Variants in AGBL1 observed in about 807,000 individuals in gnomAD.
The protein encoded by AGBL1 is cytosolic carboxypeptidase 4.
Under a neutral mutation model 118.9 loss-of-function variants are expected in AGBL1, and 130 were observed. The observed-to-expected ratio is 1.09, with a 90% confidence interval of 0.95 to 1.26. The LOEUF (loss-of-function observed/expected upper bound fraction) is 1.26, where lower values mean the gene tolerates loss of function less well. Among genes scored for constraint, AGBL1 ranks in the 50% most tolerant of loss-of-function variants. AGBL1 has a pLI of 0.00. For synonymous variants in AGBL1, 555 were observed against 478.9 expected (o/e 1.16, Z -2.08); for missense variants, 1,584 against 1,298.1 (o/e 1.22, Z -3.38).
intron 22 of AGBL1, among the ~76,000 whole-genome samples, chr15:86,790,170 G>A (rs1444091001): frequency 6.6e-6 from 1 of 152,048 alleles, no homozygotes; most frequent in Non-Finnish European, 1.5e-5. Context: ...AAAGCCCACA[G>A]AAAGAAACTT....
intron 22 of AGBL1, among the ~76,000 whole-genome samples, chr15:86,705,336 T>C (rs2086430833): frequency 6.6e-6 from 1 of 152,104 alleles, no homozygotes; most frequent in African/African-American, 2.4e-5. Flanking sequence ...TTTAAATAAA[T>C]TACCCAGTCT....
chr15:86,495,391 C>CT lies in AGBL1; in HGVS notation c.2556-27411dup, dbSNP rs566971969. Among the ~76,000 whole-genome samples the CT allele has an allele frequency of 6.7e-3, 746 of 111,158 alleles. 3 individuals carry two copies. Among genetic ancestry groups the CT allele is most frequent in the South Asian group, 0.019 (53 of 2,776 alleles). 72.9% of individuals were successfully genotyped at this position (111,158 alleles called of 152,430 possible). On this transcript the variant is annotated intron_variant, in intron 18 of 22. Coordinates refer to ENST00000614907, the MANE Select transcript of AGBL1 (RefSeq NM_001386094.1). ...GGTATTTTTTTTTAAATACCTCTATCTTTTTTTTAAAAAAAAAACCTTATA... is the reference window on the plus strand; with the variant it reads ...GGTATTTTTTTTTAAATACCTCTATCTTTTTTTTTAAAAAAAAAACCTTATA...
intron 17 of AGBL1, among the ~76,000 whole-genome samples, chr15:86,326,609 G>A (rs1450910770): frequency 6.6e-6 from 1 of 152,148 alleles, no homozygotes; most frequent in Non-Finnish European, 1.5e-5. Context: ...ATACTTGATT[G>A]TTAAGGGAAA....
At chr15:86,132,791 A>T (rs1296456336) in intron 1 of AGBL1, among the ~76,000 whole-genome samples, 1 of 152,172 alleles carries the variant, frequency 6.6e-6, no homozygotes, top group African/African-American at 2.4e-5. Context: ...CAGAGCATGC[A>T]ATCTCACCCT....
At chr15:86,888,327 A>T (rs2080001335) in intron 22 of AGBL1, among the ~76,000 whole-genome samples, 1 of 151,866 alleles carries the variant, frequency 6.6e-6, no homozygotes, top group African/African-American at 2.4e-5. Context: ...TCCAGTGGAA[A>T]CTAAATATTC....
chr15:86,260,997 C>T (rs1015959958), intron 9 of AGBL1, among the ~76,000 whole-genome samples: 1 of 152,202 alleles, frequency 6.6e-6, no homozygotes, highest in African/African-American at 2.4e-5. Flanking sequence ...TGGTCTCTGT[C>T]ACAACTATTA....
intron 17 of AGBL1, among the ~76,000 whole-genome samples, chr15:86,372,635 G>T (rs1029315295): frequency 6.6e-6 from 1 of 152,178 alleles, no homozygotes; most frequent in South Asian, 2.1e-4. Context: ...CAGACTTTTG[G>T]TTTTTTTCTC....
intron 1 of AGBL1, among the ~76,000 whole-genome samples, chr15:86,118,053 C>G (rs77525964): frequency 0.02 from 2,993 of 152,290 alleles, 89 homozygotes; most frequent in African/African-American, 0.068. Flanking sequence ...CTCTGAATTT[C>G]TTGTTACACT....
At chr15:86,272,496 A>G (rs986839874) in intron 15 of AGBL1, among the ~76,000 whole-genome samples, 2 of 152,212 alleles carry the variant, frequency 1.3e-5, no homozygotes, top group Admixed American at 6.5e-5. Context: ...AGTAAGTTTC[A>G]TCTCTTTCTG....
At chr15:86,917,011 G>A (rs2080433274), downstream of AGBL1, among the ~76,000 whole-genome samples, 1 of 152,222 alleles carries the variant, frequency 6.6e-6, no homozygotes, top group Non-Finnish European at 1.5e-5. The surrounding 1 kb of genome is among the most constrained non-coding windows in gnomAD (Gnocchi z 4.8). Flanking sequence ...ACCTAAAGGA[G>A]GGGGAATGAA....
chr15:87,002,862 C>T (rs1210339033), intron 24 of AGBL1, among the ~76,000 whole-genome samples: 1 of 152,142 alleles, frequency 6.6e-6, no homozygotes, highest in African/African-American at 2.4e-5. Context: ...TGCTTATCAG[C>T]TTAAGAAGAT....
chr15:86,459,321 C>A (rs1194125364), intron 18 of AGBL1, among the ~76,000 whole-genome samples: 2 of 152,050 alleles, frequency 1.3e-5, no homozygotes, highest in African/African-American at 2.4e-5. Context: ...TTCATGTAGA[C>A]CAGGAGCATG....
intron 5 of AGBL1, among the ~76,000 whole-genome samples, chr15:86,200,773 C>T (rs117782530): frequency 0.012 from 1,869 of 151,934 alleles, 22 homozygotes; most frequent in East Asian, 0.058. Flanking sequence ...CCTGCCACCA[C>T]GCCCGGCTAA....
intron 22 of AGBL1, among the ~76,000 whole-genome samples, chr15:86,836,934 T>C (rs2079178218): frequency 6.6e-6 from 1 of 152,200 alleles, no homozygotes; most frequent in Admixed American, 6.5e-5. Context: ...CTTGCTTATA[T>C]ATTTATCTGT....
At chr15:86,297,992 T>C (rs115732839) in intron 17 of AGBL1, among the ~76,000 whole-genome samples, 4,262 of 152,100 alleles carry the variant, frequency 0.028, 71 homozygotes, top group Middle Eastern at 0.071. Context: ...TGACCACAAA[T>C]AAGTGTATTA....
At chr15:86,484,928 C>T (rs531502753) in intron 18 of AGBL1, among the ~76,000 whole-genome samples, 37 of 152,230 alleles carry the variant, frequency 2.4e-4, no homozygotes, top group African/African-American at 8.4e-4. Flanking sequence ...TTCTACATGC[C>T]CCACTTTACT....
chr15:86,298,830 T>C (rs1205371012), intron 17 of AGBL1, among the ~76,000 whole-genome samples: 1 of 152,142 alleles, frequency 6.6e-6, no homozygotes, highest in Non-Finnish European at 1.5e-5. Flanking sequence ...ACCACGGCTA[T>C]GGAATGCTGG....
rs576565318 is a variant in AGBL1 at position 86,575,451 on chromosome 15, G to A, written c.2994+20914G>A. Among the ~76,000 whole-genome samples the A allele has an allele frequency of 6.6e-5, 10 of 152,144 alleles. No individual in the cohort carries two copies. In the South Asian group the frequency reaches 2.1e-3, roughly 32 times the overall value. On this transcript the variant is annotated intron_variant, in intron 21 of 22. Coordinates refer to ENST00000614907, the MANE Select transcript of AGBL1 (RefSeq NM_001386094.1). Reference sequence around the variant, plus strand: ...GGAAGTTGAGGCTGCAGTGAGCCATGTTTGTGCCATTGTAGTCCAGTTTGG... The same window carrying A: ...GGAAGTTGAGGCTGCAGTGAGCCATATTTGTGCCATTGTAGTCCAGTTTGG...
intron 5 of AGBL1, among the ~76,000 whole-genome samples, chr15:86,191,348 C>CAAAAA (rs869108108): frequency 0.19 from 12,055 of 64,586 alleles, 1,363 homozygotes; most frequent in Non-Finnish European, 0.21. Context: ...AACTTTGTCT[C>CAAAAA]AAAAAAAAAA....
Sources: gnomAD v4.1 joint callset for allele counts (sites outside exome capture counted in the v4.1 genomes callset) on GRCh38, gnomAD v4.1.1 for gene constraint, Gnocchi (gnomAD v3.1) non-coding constraint, MANE v1.5 for transcripts, NCBI Gene and HGNC (gene_info 2026-07-23, HGNC 2026-07-21) for gene names.